SLC14A2: variants seen among roughly 807,000 people sequenced by gnomAD.
The protein encoded by SLC14A2 is solute carrier family 14 member 2.
SLC14A2 carries 91 observed loss-of-function variants against 104.6 expected under a neutral mutation model. The observed-to-expected ratio is 0.87, with a 90% confidence interval of 0.73 to 1.04. The LOEUF is 1.04. SLC14A2 is among the 50% of genes least tolerant of loss of function. SLC14A2 has a pLI of 0.00. For synonymous variants in SLC14A2, 476 were observed against 466.4 expected (o/e 1.02, Z -0.27); for missense variants, 1,189 against 1,156.0 (o/e 1.03, Z -0.41).
the SLC14A2 span, among the ~76,000 whole-genome samples, chr18:45,182,383 G>A: frequency 6.6e-6 from 1 of 151,682 alleles, no homozygotes; most frequent in East Asian, 1.9e-4. Flanking sequence ...TCTTGAAAAA[G>A]ACCTTTCAAC....
At chr18:45,222,318 C>T (rs770416846) in intron 1 of SLC14A2, among the ~76,000 whole-genome samples, 3 of 152,196 alleles carry the variant, frequency 2.0e-5, no homozygotes, top group Non-Finnish European at 4.4e-5. Flanking sequence ...GGTCTCAGTA[C>T]TGACCTCGTT....
chr18:45,242,439 A>G (rs949051162), intron 1 of SLC14A2, among the ~76,000 whole-genome samples: 2 of 152,206 alleles, frequency 1.3e-5, no homozygotes, highest in African/African-American at 4.8e-5. Flanking sequence ...CGATTGCTCC[A>G]TGTTGCAAAT....
intron 2 of SLC14A2, among the ~76,000 whole-genome samples, chr18:45,491,270 G>C (rs2042995321): frequency 6.6e-6 from 1 of 152,218 alleles, no homozygotes; most frequent in African/African-American, 2.4e-5. Context: ...CCGTGAGCTA[G>C]ATGCAGGCAT....
intron 1 of SLC14A2, among the ~76,000 whole-genome samples, chr18:45,365,371 A>G (rs904629845): frequency 6.6e-6 from 1 of 152,226 alleles, no homozygotes; most frequent in Non-Finnish European, 1.5e-5. Flanking sequence ...ATCCAATAAG[A>G]TCATGTGTGT....
At chr18:45,334,574 A>G (rs1250994876) in intron 1 of SLC14A2, among the ~76,000 whole-genome samples, 2 of 152,216 alleles carry the variant, frequency 1.3e-5, no homozygotes, top group East Asian at 3.8e-4. Context: ...TTGGTCTGTA[A>G]AATCACAGAA....
intron 2 of SLC14A2, among the ~76,000 whole-genome samples, chr18:45,525,967 C>T (rs16978394): frequency 0.077 from 11,729 of 152,082 alleles, 569 homozygotes; most frequent in East Asian, 0.2. Flanking sequence ...AATTCAGTAG[C>T]TCAAAGGGTA....
intron 1 of SLC14A2, among the ~76,000 whole-genome samples, chr18:45,446,714 G>A (rs745344139): frequency 6.4e-4 from 97 of 152,086 alleles, no homozygotes; most frequent in Admixed American, 2.7e-3. Flanking sequence ...TCCCCACCTC[G>A]CACAGGTCTG....
In SLC14A2 at chr18:45,243,466, C is replaced by T. The variant is rs572208470; in HGVS notation, c.-125+30275C>T. Among the ~76,000 whole-genome samples, 4 of 152,222 alleles carry T rather than the reference C, an allele frequency of 2.6e-5. No individual in the cohort carries two copies. In the East Asian group the frequency reaches 7.7e-4, roughly 29 times the overall value. On this transcript the variant is annotated intron_variant, in intron 1 of 20. Transcript: ENST00000586448. ...CAGAACCAGCAGTCACAGCTCCCACCCCAAAGAATGATCACATGGATGCTC... is the reference window on the plus strand; with the variant it reads ...CAGAACCAGCAGTCACAGCTCCCACTCCAAAGAATGATCACATGGATGCTC...
At chr18:45,496,167 C>G (rs1243126467) in intron 2 of SLC14A2, among the ~76,000 whole-genome samples, 1 of 152,220 alleles carries the variant, frequency 6.6e-6, no homozygotes, top group African/African-American at 2.4e-5. Flanking sequence ...CAATTCTTAA[C>G]ATACTTAATT....
At chr18:45,483,844 T>G (rs2087543200) in intron 2 of SLC14A2, among the ~76,000 whole-genome samples, 1 of 152,186 alleles carries the variant, frequency 6.6e-6, no homozygotes, top group Admixed American at 6.5e-5. Context: ...TTATTGGTTG[T>G]TTGACAAGCA....
intron 1 of SLC14A2, among the ~76,000 whole-genome samples, chr18:45,305,865 G>A (rs1004917202): frequency 9.2e-5 from 14 of 152,202 alleles, no homozygotes; most frequent in Admixed American, 4.6e-4. Context: ...AAGATATTTC[G>A]ATTTACAATT....
intron 1 of SLC14A2, among the ~76,000 whole-genome samples, chr18:45,314,499 G>T: frequency 6.6e-6 from 1 of 152,154 alleles, no homozygotes; most frequent in East Asian, 1.9e-4. Flanking sequence ...TGCAGATTAG[G>T]ACACCAGGAT....
chr18:45,335,767 C>T (rs1459857514), intron 1 of SLC14A2, among the ~76,000 whole-genome samples: 1 of 152,156 alleles, frequency 6.6e-6, no homozygotes, highest in Non-Finnish European at 1.5e-5. Flanking sequence ...TTCTGAGCTG[C>T]CAAGGTTTTA....
intron 2 of SLC14A2, among the ~76,000 whole-genome samples, chr18:45,512,715 G>C (rs1444154813): frequency 6.6e-6 from 1 of 152,174 alleles, no homozygotes; most frequent in Admixed American, 6.5e-5. Context: ...CTCCCCGGGA[G>C]AGTCTGGTGA....
chr18:45,189,079 C>T, the SLC14A2 span, among the ~76,000 whole-genome samples: 2 of 152,128 alleles, frequency 1.3e-5, no homozygotes, highest in East Asian at 1.9e-4. Flanking sequence ...CAAAAGCCAA[C>T]CTATAATCCT....
At chr18:45,485,370 T>A (rs2087581727) in intron 2 of SLC14A2, 1 of 152,230 alleles carries the variant, frequency 6.6e-6, no homozygotes, top group South Asian at 2.1e-4. Flanking sequence ...GGAAAATTAT[T>A]CTTTTTTATT....
At chr18:45,573,044 A>G (rs2044371249) in intron 2 of SLC14A2, among the ~76,000 whole-genome samples, 1 of 152,250 alleles carries the variant, frequency 6.6e-6, no homozygotes, top group South Asian at 2.1e-4. Context: ...AATGGGCACA[A>G]GGAAACCAAG....
the SLC14A2 span, among the ~76,000 whole-genome samples, chr18:45,175,642 T>A: frequency 6.6e-6 from 1 of 151,832 alleles, no homozygotes; most frequent in Non-Finnish European, 1.5e-5. Flanking sequence ...GAAAAAAAAA[T>A]AAGACTCAGG....
intron 1 of SLC14A2, among the ~76,000 whole-genome samples, chr18:45,229,622 C>G (rs974766664): frequency 3.3e-5 from 5 of 152,102 alleles, no homozygotes; most frequent in Admixed American, 3.3e-4. Flanking sequence ...ACTTTTCCTA[C>G]TTGTATCTAC....
Sources: gnomAD v4.1 joint callset for allele counts (sites outside exome capture counted in the v4.1 genomes callset) on GRCh38, gnomAD v4.1.1 for gene constraint, MANE v1.5 for transcripts, NCBI Gene and HGNC (gene_info 2026-07-23, HGNC 2026-07-21) for gene names.